FERRY3: variants seen among roughly 807,000 people sequenced by gnomAD.
FERRY3 encodes FERRY endosomal RAB5 effector complex subunit 3.
chr12:4,514,308 T>A, the FERRY3 span, among the ~76,000 whole-genome samples: 3 of 150,560 alleles, frequency 2.0e-5, no homozygotes, highest in African/African-American at 7.5e-5. Context: ...GACTGTAAAC[T>A]AGTTCAACCA....
the FERRY3 span, among the ~76,000 whole-genome samples, chr12:4,495,571 G>T: frequency 3.3e-5 from 5 of 152,128 alleles, no homozygotes; most frequent in African/African-American, 1.2e-4. Flanking sequence ...CCCACAAATA[G>T]AATACATATT....
chr12:4,509,635 T>A, the FERRY3 span, among the ~76,000 whole-genome samples: 22 of 131,802 alleles, frequency 1.7e-4, no homozygotes, highest in East Asian at 4.4e-3. Flanking sequence ...CCGGCAGGGG[T>A]ACACTGACAC....
chr12:4,529,065 G>A, the FERRY3 span, among the ~76,000 whole-genome samples: 9 of 151,972 alleles, frequency 5.9e-5, no homozygotes, highest in Admixed American at 4.6e-4. Flanking sequence ...ATTAGATTCT[G>A]CTAAATTACA....
At chr12:4,517,907 T>C in the FERRY3 span, 1 of 611,182 alleles carries the variant, frequency 1.6e-6, no homozygotes, top group South Asian at 2.2e-5. Context: ...CAGTTTGAAA[T>C]AAAATAACTA....
At chr12:4,536,006 A>C in the FERRY3 span, 3 of 1,518,030 alleles carry the variant, frequency 2.0e-6, no homozygotes, top group Non-Finnish European at 2.6e-6. Flanking sequence ...AAAAAAAAAA[A>C]CAGTCCTCAC....
At chr12:4,529,962 G>T in the FERRY3 span, 1 of 1,613,570 alleles carries the variant, frequency 6.2e-7, no homozygotes, top group South Asian at 1.1e-5. Context: ...GAGAGTTTCA[G>T]AGGCAGGAGA....
the FERRY3 span, chr12:4,525,681 A>T: frequency 1.2e-5 from 10 of 846,490 alleles, no homozygotes; most frequent in Non-Finnish European, 1.8e-5. Context: ...GAAAATAAAA[A>T]ATTTATTTTA....
chr12:4,528,896 T>TACACACACAC, the FERRY3 span, among the ~76,000 whole-genome samples: 18 of 131,616 alleles, frequency 1.4e-4, no homozygotes, highest in South Asian at 7.0e-4. Flanking sequence ...TTAAATCAGT[T>TACACACACAC]ACACACACAC....
At chr12:4,490,609 G>A in the FERRY3 span, 2 of 1,594,942 alleles carry the variant, frequency 1.3e-6, no homozygotes, top group Non-Finnish European at 1.7e-6. Flanking sequence ...AAAAACAGAT[G>A]TTGCTGCATG....
At chr12:4,531,681 C>T in the FERRY3 span, among the ~76,000 whole-genome samples, 14 of 152,328 alleles carry the variant, frequency 9.2e-5, no homozygotes, top group Non-Finnish European at 1.8e-4. Context: ...TCAGGCATAA[C>T]GCCTGACTTC....
the FERRY3 span, among the ~76,000 whole-genome samples, chr12:4,513,405 T>C: frequency 1.3e-5 from 2 of 151,784 alleles, no homozygotes; most frequent in African/African-American, 4.8e-5. Context: ...TTAAAGTTCA[T>C]ATGGAACCAA....
the FERRY3 span, among the ~76,000 whole-genome samples, chr12:4,538,101 T>C: frequency 6.6e-6 from 1 of 152,158 alleles, no homozygotes; most frequent in Non-Finnish European, 1.5e-5. Flanking sequence ...ACATTTAGAC[T>C]TGTGTTTCAA....
the FERRY3 span, among the ~76,000 whole-genome samples, chr12:4,493,928 A>G: frequency 1.3e-5 from 2 of 152,104 alleles, no homozygotes; most frequent in African/African-American, 2.4e-5. Context: ...CCCCGTCTCT[A>G]CTAAAAATAC....
chr12:4,535,315 G>A, the FERRY3 span, among the ~76,000 whole-genome samples: 5 of 152,184 alleles, frequency 3.3e-5, no homozygotes, highest in Admixed American at 6.5e-5. This position sits in a 1 kb window ranked among gnomAD's most constrained non-coding sequence, Gnocchi z 4.0. Context: ...GATGCAGCCC[G>A]AGAATTTGCA....
the FERRY3 span, among the ~76,000 whole-genome samples, chr12:4,521,176 T>A: frequency 6.6e-6 from 1 of 151,954 alleles, no homozygotes; most frequent in Non-Finnish European, 1.5e-5. Flanking sequence ...CTGGCCAACA[T>A]GGTGAAACAC....
the FERRY3 span, among the ~76,000 whole-genome samples, chr12:4,499,057 C>A: frequency 2.0e-5 from 3 of 152,160 alleles, no homozygotes; most frequent in Non-Finnish European, 4.4e-5. Context: ...GGGACTTAGT[C>A]TAAAAAGTAA....
At chr12:4,512,118 G>A in the FERRY3 span, among the ~76,000 whole-genome samples, 30 of 128,850 alleles carry the variant, frequency 2.3e-4, no homozygotes, top group Non-Finnish European at 3.2e-4. Flanking sequence ...ACACCTCTAC[G>A]CAAATAAACT....
chr12:4,522,121 G>A, the FERRY3 span, among the ~76,000 whole-genome samples: 1 of 152,176 alleles, frequency 6.6e-6, no homozygotes, highest in African/African-American at 2.4e-5. Context: ...ATCTTGCTGG[G>A]GGATGCTGAT....
the FERRY3 span, chr12:4,525,426 A>T: frequency 1.9e-6 from 3 of 1,600,644 alleles, no homozygotes; most frequent in Non-Finnish European, 2.6e-6. Context: ...AAAACAAACA[A>T]ACAAAAAAAC....
Sources: allele counts gnomAD v4.1 joint callset (sites outside exome capture counted in the v4.1 genomes callset), GRCh38; gene constraint gnomAD v4.1.1; non-coding constraint Gnocchi (gnomAD v3.1); transcripts MANE v1.5; gene names NCBI Gene and HGNC (gene_info 2026-07-23, HGNC 2026-07-21).